Variants in PPP2R2B observed in about 807,000 individuals in gnomAD.
PPP2R2B encodes the protein serine/threonine-protein phosphatase 2A 55 kDa regulatory subunit B beta isoform.
In PPP2R2B, 5 loss-of-function variants were observed where a neutral mutation model predicts 46.0. The ratio of observed to expected loss-of-function variants is 0.11; its 90% CI spans 0.06 to 0.23. The LOEUF is 0.23. Ranked by LOEUF, PPP2R2B falls within the 10% of genes least tolerant of loss-of-function variation. The pLI is 1.00. For synonymous variants in PPP2R2B, 215 were observed against 206.7 expected, an observed-to-expected ratio of 1.04 and a Z score of -0.34; for missense variants, 367 against 575.0, an observed-to-expected ratio of 0.64 and a Z score of 3.70.
chr5:146,699,178 G>A (rs750864104), intron 3 of PPP2R2B, among the ~76,000 whole-genome samples: 10 of 152,134 alleles, frequency 6.6e-5, no homozygotes, highest in Non-Finnish European at 1.2e-4. Context: ...TTTCTAGGTG[G>A]ATATAAAATA....
chr5:146,603,445 C>T (rs1034966620), intron 7 of PPP2R2B, among the ~76,000 whole-genome samples: 2 of 152,202 alleles, frequency 1.3e-5, no homozygotes, highest in African/African-American at 4.8e-5. Flanking sequence ...TGCAGCAACA[C>T]TGTAAAGCCT....
intron 1 of PPP2R2B, among the ~76,000 whole-genome samples, chr5:147,037,401 GGT>G (rs147534232): frequency 5.3e-5 from 8 of 150,176 alleles, no homozygotes; most frequent in African/African-American, 1.2e-4. Flanking sequence ...CAGACAAAGG[GGT>G]GTGTGTGTGT....
At chr5:146,778,364 G>A (rs573855728) in intron 2 of PPP2R2B, among the ~76,000 whole-genome samples, 1 of 152,316 alleles carries the variant, frequency 6.6e-6, no homozygotes, top group Admixed American at 6.5e-5. Context: ...TCACAAAAGT[G>A]TTTCCAAGGA....
chr5:146,781,131 GATATATATATATATATATATAT>G lies in PPP2R2B; in HGVS notation c.71-80011_71-79990del, dbSNP rs56697862. On this transcript the variant is annotated intron_variant, in intron 2 of 9. Transcript: ENST00000394411. ...TCACTTACATACATAATGCCACCAT[GATATATATATATATATATATAT>G]ATATATATATATATATATATATAAA... is the stretch of plus-strand genomic sequence containing the variant. 2.7e-3 allele frequency among the ~76,000 whole-genome samples: 136 copies of G among 49,460 alleles called. 8 individuals are homozygous for G. Among genetic ancestry groups the G allele is most frequent in the Non-Finnish European group, 3.6e-3 (82 of 22,700 alleles). 32.4% of individuals were successfully genotyped at this position (49,460 alleles called of 152,430 possible). A position where few individuals can be genotyped will look rare whatever the true frequency, so the allele number is the denominator to read the frequency against.
At chr5:146,772,511 T>C (rs1274095399) in intron 2 of PPP2R2B, among the ~76,000 whole-genome samples, 4 of 148,096 alleles carry the variant, frequency 2.7e-5, no homozygotes, top group African/African-American at 1.0e-4. Context: ...GAGAGGGGAG[T>C]GGGGTCAAAG....
chr5:147,052,691 G>A (rs1189468015), intron 1 of PPP2R2B, among the ~76,000 whole-genome samples: 1 of 152,206 alleles, frequency 6.6e-6, no homozygotes, highest in Non-Finnish European at 1.5e-5. Flanking sequence ...GAGTATGTTT[G>A]ACCTCAGGCA....
At chr5:146,846,490 C>T (rs997692686) in intron 2 of PPP2R2B, among the ~76,000 whole-genome samples, 1 of 151,364 alleles carries the variant, frequency 6.6e-6, no homozygotes, top group African/African-American at 2.4e-5. Context: ...CCAGCCTGAC[C>T]AACATGGTGA....
At chr5:146,898,936 C>T (rs1762735198) in intron 1 of PPP2R2B, among the ~76,000 whole-genome samples, 1 of 141,322 alleles carries the variant, frequency 7.1e-6, no homozygotes, top group Non-Finnish European at 1.5e-5. Context: ...TACCATCTCA[C>T]ACCAGTTAGA....
intron 1 of PPP2R2B, among the ~76,000 whole-genome samples, chr5:146,955,705 G>A (rs775976861): frequency 6.6e-6 from 1 of 151,854 alleles, no homozygotes; most frequent in Non-Finnish European, 1.5e-5. Context: ...GCATGGAAGA[G>A]GTTACAGATT....
At chr5:146,838,351 C>T (rs1215638499) in intron 2 of PPP2R2B, among the ~76,000 whole-genome samples, 1 of 151,946 alleles carries the variant, frequency 6.6e-6, no homozygotes, top group African/African-American at 2.4e-5. Flanking sequence ...GTGGGTAGAT[C>T]TCTTGAGGTC....
intron 7 of PPP2R2B, among the ~76,000 whole-genome samples, chr5:146,622,701 CT>C (rs1190452800): frequency 6.6e-6 from 1 of 152,152 alleles, no homozygotes; most frequent in African/African-American, 2.4e-5. Context: ...GATATTCTTT[CT>C]GAAAAGTTGA....
intron 1 of PPP2R2B, among the ~76,000 whole-genome samples, chr5:146,938,884 G>A (rs940799907): frequency 1.4e-5 from 2 of 147,044 alleles, no homozygotes; most frequent in African/African-American, 2.5e-5. Context: ...AGGTTCAAGC[G>A]ATTCTCCTGC....
At chr5:146,714,055 AG>A (rs952362784) in intron 2 of PPP2R2B, among the ~76,000 whole-genome samples, 35 of 152,236 alleles carry the variant, frequency 2.3e-4, no homozygotes, top group African/African-American at 7.7e-4. Context: ...GCTGAACAGT[AG>A]GGCACTCCAA....
chr5:147,042,952 C>A (rs1021984870), intron 1 of PPP2R2B, among the ~76,000 whole-genome samples: 2 of 151,990 alleles, frequency 1.3e-5, no homozygotes, highest in East Asian at 1.9e-4. Context: ...AGCAATGAGT[C>A]CAGTGTGGCT....
intron 2 of PPP2R2B, among the ~76,000 whole-genome samples, chr5:146,710,111 G>C (rs1780134461): frequency 6.6e-6 from 1 of 152,192 alleles, no homozygotes; most frequent in Non-Finnish European, 1.5e-5. Context: ...TGGAGATGGT[G>C]TATTATTTTT....
chr5:146,875,904 CA>C (rs1761871645), intron 2 of PPP2R2B, among the ~76,000 whole-genome samples: 1 of 152,184 alleles, frequency 6.6e-6, no homozygotes, highest in African/African-American at 2.4e-5. Context: ...CCTCTGGCAA[CA>C]AAATTGCATG....
At chr5:146,633,842 C>T (rs1322187428) in intron 7 of PPP2R2B, among the ~76,000 whole-genome samples, 1 of 152,196 alleles carries the variant, frequency 6.6e-6, no homozygotes, top group African/African-American at 2.4e-5. Flanking sequence ...CTGGGCTCTC[C>T]CCGTCTGCTT....
intron 2 of PPP2R2B, among the ~76,000 whole-genome samples, chr5:146,852,046 G>A (rs1250204191): frequency 6.6e-6 from 1 of 152,018 alleles, no homozygotes; most frequent in East Asian, 1.9e-4. Flanking sequence ...GCTATTTGAA[G>A]CATGAGACCA....
At chr5:146,727,291 A>C (rs1751935656) in intron 2 of PPP2R2B, among the ~76,000 whole-genome samples, 2 of 149,016 alleles carry the variant, frequency 1.3e-5, no homozygotes, top group African/African-American at 5.1e-5. Context: ...AAAGGGTAGG[A>C]TTATGAGAGG....
Sources: allele counts gnomAD v4.1 joint callset (sites outside exome capture counted in the v4.1 genomes callset), GRCh38; gene constraint gnomAD v4.1.1; transcripts MANE v1.5; gene names NCBI Gene and HGNC (gene_info 2026-07-23, HGNC 2026-07-21).